Variants in ZKSCAN3 observed in about 807,000 individuals in gnomAD.
The protein encoded by ZKSCAN3 is zinc finger with KRAB and SCAN domains 3.
Under a neutral mutation model 30.7 loss-of-function variants are expected in ZKSCAN3, and 21 were observed. That is an observed-to-expected ratio of 0.68 (90% CI 0.49 to 0.99). ZKSCAN3 has a LOEUF of 0.99. Among genes scored for constraint, ZKSCAN3 ranks in the 50% least tolerant of loss-of-function variants. The pLI is 0.00. For synonymous variants in ZKSCAN3, 201 were observed against 246.7 expected, an observed-to-expected ratio of 0.81 and a Z score of 1.73; for missense variants, 507 against 647.1, an observed-to-expected ratio of 0.78 and a Z score of 2.35.
In ZKSCAN3 at chr6:28,365,863, G is replaced by T; in HGVS notation, c.1195G>T (p.Glu399Ter). 1 of 1,613,624 alleles carries T rather than the reference G, an allele frequency of 6.2e-7. No homozygotes were observed. The highest frequency in any genetic ancestry group is 8.5e-7 in the Non-Finnish European group (1 of 1,179,790). Residue 399 changes from glutamate to a stop codon, truncating the protein, a stop_gained, in exon 6 of 6, where the codon GAG becomes TAG. Coordinates refer to ENST00000252211, the MANE Select transcript of ZKSCAN3 (RefSeq NM_024493.4). LOFTEE classifies it low-confidence loss of function (END_TRUNC). ...AACCCACACTGGGGAGAAGCCCTAT[G>T]AGTGTGATGACTGTGGGAAGACCTT... ...QRTHTGEKPY[E>*]CDDCGKTFSQ...
Position 28,368,915 on chromosome 6 carries a change from A to G in ZKSCAN3, c.*2630A>G, listed in dbSNP as rs76980205. The G allele has an allele frequency of 0.016, 2,447 of 153,006 alleles. 88 individuals are homozygous for G. Among genetic ancestry groups the G allele is most frequent in the South Asian group, 0.13 (631 of 4,840 alleles). The allele number at this position is 153,006 out of a possible 1,614,324, so 9.5% of individuals were successfully genotyped here. On this transcript the variant is annotated 3_prime_UTR_variant, in exon 6 of 6. Transcript: ENST00000252211. ...ATCAGTCAAAAACTCTGGAATTCAA[A>G]TATAACAAGACTTTTCTGGTCACCT...
rs1040122359 is a variant in ZKSCAN3, at chr6:28,365,310, C to T, written c.758-116C>T. Reference sequence around the variant, plus strand: ...TTTTATTCCCATCCTTATTCTAGCACTTAAATCCTCATCCCAGGCATTTAT... The same window carrying T: ...TTTTATTCCCATCCTTATTCTAGCATTTAAATCCTCATCCCAGGCATTTAT... On this transcript the variant is annotated intron_variant, in intron 5 of 5. Transcript: ENST00000252211. The T allele has an allele frequency of 1.3e-5, 19 of 1,414,884 alleles. No individual in the cohort carries two copies. In the Admixed American group the frequency reaches 2.9e-4, roughly 22 times the overall value. 87.6% of individuals were successfully genotyped at this position (1,414,884 alleles called of 1,614,324 possible). A position where few individuals can be genotyped will look rare whatever the true frequency, so the allele number is the denominator to read the frequency against.
chr6:28,363,601 G>C, intron 4 of ZKSCAN3, 91 bp from the exon 5 acceptor site: 1 of 1,580,312 alleles, frequency 6.3e-7, no homozygotes, highest in Non-Finnish European at 8.6e-7. Flanking sequence ...CTAGCTGTTG[G>C]CAGGAATGGG....
chr6:28,366,591 G>C lies in ZKSCAN3; in HGVS notation c.*306G>C. On this transcript the variant is annotated 3_prime_UTR_variant, in exon 6 of 6. Transcript: ENST00000252211. ...GGCTACTTGCCCTAAACCAGCACTT[G>C]GTGATGTCTACTGGGTGGATGGTTG... 4.5e-6 allele frequency: 1 copy of C among 223,302 alleles called. No homozygotes were observed. Among genetic ancestry groups the C allele is most frequent in the Non-Finnish European group, 8.8e-6 (1 of 114,080 alleles). The allele number at this position is 223,302 out of a possible 1,614,324, so 13.8% of individuals were successfully genotyped here.
chr6:28,353,821 C>T, intron 1 of ZKSCAN3: 1 of 456,910 alleles, frequency 2.2e-6, no homozygotes, highest in Non-Finnish European at 4.4e-6. Context: ...AAAGAAAGAC[C>T]AGTGAATTAT....
chr6:28,354,040 C>T (rs942222539), intron 1 of ZKSCAN3: 125 of 435,698 alleles, frequency 2.9e-4, no homozygotes, highest in Non-Finnish European at 5.3e-4. Context: ...CTCCTCCGAC[C>T]GCAGCCCTTC....
At position 28,366,009 on chromosome 6, in the gene ZKSCAN3, C is replaced by G. The variant is rs1266684085; in HGVS notation, c.1341C>G (p.Ile447Met). The G allele has an allele frequency of 6.2e-7, 1 of 1,613,980 alleles. No homozygotes were observed. The highest frequency in any genetic ancestry group is 1.1e-5 in the South Asian group (1 of 91,060). The change falls in exon 6 of 6, where the codon ATC becomes ATG. Residue 447 changes from isoleucine to methionine, a missense_variant. By Grantham distance (10) the Ile-to-Met change is conservative (BLOSUM62 1). Coordinates refer to ENST00000252211, the MANE Select transcript of ZKSCAN3 (RefSeq NM_024493.4). Reference protein sequence around the residue: ...RSSHLLRHQRIHTGDKNVQEP... With the variant: ...RSSHLLRHQRMHTGDKNVQEP... ...CACATCTCCTGAGACATCAGAGGAT[C>G]CATACTGGGGATAAAAATGTTCAGG... is the stretch of plus-strand genomic sequence containing the variant.
intron 2 of ZKSCAN3, among the ~76,000 whole-genome samples, chr6:28,360,869 T>C (rs1378956814): frequency 2.6e-5 from 4 of 152,238 alleles, no homozygotes; most frequent in Non-Finnish European, 4.4e-5. Flanking sequence ...GAAACCTGCA[T>C]ACATATCGTA....
intron 1 of ZKSCAN3, among the ~76,000 whole-genome samples, chr6:28,357,275 A>C (rs1765492507): frequency 1.3e-5 from 2 of 152,282 alleles, no homozygotes; most frequent in South Asian, 4.1e-4. Flanking sequence ...CTGTTCTAAG[A>C]GTTTTATACA....
chr6:28,361,318 T>A lies in ZKSCAN3; in HGVS notation c.403-6T>A. 6.2e-7 allele frequency: 1 copy of A among 1,610,872 alleles called. No individual in the cohort carries two copies. The highest frequency in any genetic ancestry group is 1.1e-5 in the South Asian group (1 of 89,988). On this transcript the variant is annotated splice_region_variant and splice_polypyrimidine_tract_variant and intron_variant, in intron 2 of 5. Transcript: ENST00000252211. ...AAACATGAAAATAAGAACAAATGATTTCTAGGTTTCAGGTGTTGACCAGGG... is the reference window on the plus strand; with the variant it reads ...AAACATGAAAATAAGAACAAATGATATCTAGGTTTCAGGTGTTGACCAGGG...
chr6:28,363,720 T>C lies in ZKSCAN3; in HGVS notation c.662T>C (p.Leu221Pro). 1.2e-5 allele frequency: 20 copies of C among 1,614,058 alleles called. No individual in the cohort carries two copies. The highest frequency in any genetic ancestry group is 1.6e-5 in the Non-Finnish European group (19 of 1,179,954). The change falls in exon 5 of 6, where the codon CTG (leucine) becomes CCG (proline). Residue 221 changes from leucine to proline, a missense_variant. Coordinates refer to ENST00000252211, the MANE Select transcript of ZKSCAN3 (RefSeq NM_024493.4). ...QGLLKVEDVALTLTPEWTQQD... is the reference protein window; with the variant it reads ...QGLLKVEDVAPTLTPEWTQQD... ...TTGTTGAAAGTGGAAGATGTGGCCC[T>C]GACCCTCACCCCTGAATGGACACAG...
intron 1 of ZKSCAN3, chr6:28,355,942 C>T (rs1765392247): frequency 6.6e-6 from 1 of 152,320 alleles, no homozygotes; most frequent in Non-Finnish European, 1.5e-5. Flanking sequence ...AAAACATCCA[C>T]CCACAGCCTG....
At position 28,359,776 on chromosome 6, in the gene ZKSCAN3, C is replaced by G. The variant is rs1301907313; in HGVS notation, c.190C>G (p.Leu64Val). 1 of 1,614,222 alleles carries G rather than the reference C, an allele frequency of 6.2e-7. No homozygotes were observed. The highest frequency in any genetic ancestry group is 8.5e-7 in the Non-Finnish European group (1 of 1,180,048). ...YPEAAGPREA[L>V]SRLRELCRQW... The stretch of plus-strand genomic sequence containing the variant: ...GGAGGCTGCAGGCCCCCGCGAGGCG[C>G]TGAGTCGGCTCCGAGAGCTCTGCCG... The change falls in exon 2 of 6, where the codon CTG becomes GTG. Residue 64 changes from leucine to valine, a missense_variant. Physicochemically the swap from Leu to Val is conservative, Grantham distance 32. Coordinates refer to ENST00000252211, the MANE Select transcript of ZKSCAN3 (RefSeq NM_024493.4).
chr6:28,354,181 T>C (rs1765264961), intron 1 of ZKSCAN3: 2 of 338,270 alleles, frequency 5.9e-6, no homozygotes, highest in Non-Finnish European at 1.2e-5. Flanking sequence ...TCAGCAGTTT[T>C]TCTCTCTCTC....
chr6:28,359,463 TG>T, intron 1 of ZKSCAN3, 61 bp from the exon 2 acceptor site: 3 of 1,266,192 alleles, frequency 2.4e-6, no homozygotes, highest in Non-Finnish European at 3.2e-6. Context: ...TCTGGGCTCC[TG>T]GGCAGGAGAG....
intron 1 of ZKSCAN3, chr6:28,355,984 A>T (rs1182005905): frequency 6.6e-6 from 1 of 152,300 alleles, no homozygotes; most frequent in Non-Finnish European, 1.5e-5. Context: ...TCCACAGTGC[A>T]TAAGCAGGGA....
rs959679001 is a variant in ZKSCAN3, at chr6:28,367,116, C to G, written c.*831C>G. The G allele has an allele frequency of 6.6e-6, 1 of 151,642 alleles. No homozygotes were observed. Among genetic ancestry groups the G allele is most frequent in the African/African-American group, 2.4e-5 (1 of 41,196 alleles). The allele number at this position is 151,642 out of a possible 1,614,324, so 9.4% of individuals were successfully genotyped here. A position where few individuals can be genotyped will look rare whatever the true frequency, so the allele number is the denominator to read the frequency against. Reference sequence around the variant, plus strand: ...TGTTTTTAGTAGAGACGGGATTTTACCGTGTTAGCCAGGATGGTCTCGATC... The same window carrying G: ...TGTTTTTAGTAGAGACGGGATTTTAGCGTGTTAGCCAGGATGGTCTCGATC... On this transcript the variant is annotated 3_prime_UTR_variant, in exon 6 of 6. Transcript: ENST00000252211.
intron 5 of ZKSCAN3, among the ~76,000 whole-genome samples, chr6:28,364,058 G>A (rs1313220001): frequency 6.6e-6 from 1 of 152,076 alleles, no homozygotes; most frequent in African/African-American, 2.4e-5. Context: ...CAGCCTCAAT[G>A]TTTTGGGCTA....
At position 28,363,841 on chromosome 6, in the gene ZKSCAN3, G is replaced by C. The variant is rs141041001; in HGVS notation, c.757+26G>C. ...GTAAGACTAAAGGACACTAATTTCT[G>C]TTAAGGTTTCTTGGCATTCTTTGTA... On this transcript the variant is annotated intron_variant, in intron 5 of 5. Coordinates refer to ENST00000252211, the MANE Select transcript of ZKSCAN3 (RefSeq NM_024493.4). 9.8e-5 allele frequency: 158 copies of C among 1,610,184 alleles called. No individual in the cohort carries two copies. The African/African-American group carries it at 1.8e-3, about 18-fold the overall frequency.
Sources: gnomAD v4.1 joint callset for allele counts (sites outside exome capture counted in the v4.1 genomes callset) on GRCh38, gnomAD v4.1.1 for gene constraint, MANE v1.5 for transcripts, NCBI Gene and HGNC (gene_info 2026-07-23, HGNC 2026-07-21) for gene names.